INSC: variants seen among roughly 807,000 people sequenced by gnomAD.
INSC encodes INSC spindle orientation adaptor protein, also known as protein inscuteable homolog.
INSC carries 67 observed loss-of-function variants against 58.6 expected under a neutral mutation model. The observed-to-expected ratio is 1.14, with a 90% CI of 0.94 to 1.40. The LOEUF is 1.40. INSC is among the 40% of genes most tolerant of loss of function. INSC has a pLI of 0.00. For synonymous variants in INSC, 262 were observed against 276.1 expected (o/e 0.95, Z 0.51); for missense variants, 714 against 692.0 (o/e 1.03, Z -0.36).
chr11:15,138,163 G>A (rs1254222568), intron 1 of INSC, among the ~76,000 whole-genome samples: 1 of 17,750 alleles, frequency 5.6e-5, no homozygotes, highest in Non-Finnish European at 1.0e-4. Context: ...TTATGGGGGT[G>A]CAATTTGTGA....
At chr11:15,178,574 A>G (rs1564887272) in intron 5 of INSC, 127 bp downstream of exon 5, 5 of 1,183,684 alleles carry the variant, frequency 4.2e-6, no homozygotes, top group Non-Finnish European at 3.5e-6. Context: ...ATCTTACTCA[A>G]ACCACCAAAG....
At chr11:15,205,900 G>A (rs1381512396) in intron 7 of INSC, among the ~76,000 whole-genome samples, 5 of 152,122 alleles carry the variant, frequency 3.3e-5, no homozygotes, top group Admixed American at 1.3e-4. Flanking sequence ...GGCAAGGGAC[G>A]GACACAGACA....
chr11:15,140,826 C>G (rs985678623), intron 1 of INSC, among the ~76,000 whole-genome samples: 4 of 151,864 alleles, frequency 2.6e-5, no homozygotes, highest in Non-Finnish European at 4.4e-5. Flanking sequence ...TTCAGGTGAC[C>G]CTCTTGCCTC....
chr11:15,265,500 T>G, the INSC span, among the ~76,000 whole-genome samples: 1 of 152,000 alleles, frequency 6.6e-6, no homozygotes, highest in Non-Finnish European at 1.5e-5. Flanking sequence ...TTCACCTTTT[T>G]TTTTTCTAGA....
intron 5 of INSC, among the ~76,000 whole-genome samples, chr11:15,179,022 C>T (rs1849671545): frequency 6.6e-6 from 1 of 152,152 alleles, no homozygotes; most frequent in South Asian, 2.1e-4. Context: ...TAGTCTAGCC[C>T]CTGCCTCTAG....
chr11:15,208,082 G>C (rs1215238805), intron 7 of INSC, among the ~76,000 whole-genome samples: 3 of 152,190 alleles, frequency 2.0e-5, no homozygotes, highest in Admixed American at 2.0e-4. Context: ...AGCCAGGCTG[G>C]ATAGAGACAG....
upstream of INSC, among the ~76,000 whole-genome samples, chr11:15,112,922 G>A (rs76299820): frequency 0.016 from 2,382 of 152,120 alleles, 32 homozygotes; most frequent in Non-Finnish European, 0.016. Flanking sequence ...GTTCCCCAAT[G>A]TACATATGGG....
In INSC at chr11:15,235,673, G is replaced by A. The variant is rs951350510; in HGVS notation, c.1237+5G>A. The A allele has an allele frequency of 1.2e-6, 2 of 1,610,214 alleles. No individual in the cohort carries two copies. The highest frequency in any genetic ancestry group is 1.7e-6 in the Non-Finnish European group (2 of 1,176,598). The stretch of plus-strand genomic sequence containing the variant: ...CTGACATCATTCAGGAAAATGGTAT[G>A]TCTTTGCAGCATTGTACATGTTATG... On this transcript the variant is annotated splice_donor_5th_base_variant and intron_variant, in intron 10 of 12. Transcript: ENST00000379556.
At chr11:15,196,673 T>G (rs934214275) in intron 6 of INSC, among the ~76,000 whole-genome samples, 4 of 152,204 alleles carry the variant, frequency 2.6e-5, no homozygotes, top group African/African-American at 9.6e-5. Flanking sequence ...ATCATGGTTG[T>G]GATGACAGCT....
At chr11:15,168,795 G>T (rs73424568) in intron 2 of INSC, among the ~76,000 whole-genome samples, 1,712 of 152,300 alleles carry the variant, frequency 0.011, 34 homozygotes, top group African/African-American at 0.038. Flanking sequence ...GGGCTCAAGG[G>T]AGAGTTCTGG....
intron 2 of INSC, among the ~76,000 whole-genome samples, chr11:15,172,509 C>T (rs970008516): frequency 6.6e-6 from 1 of 152,216 alleles, no homozygotes; most frequent in Non-Finnish European, 1.5e-5. Context: ...CAGGCACACA[C>T]ACCAATTGCA....
chr11:15,218,103 A>G (rs1054087672), intron 7 of INSC, among the ~76,000 whole-genome samples: 2 of 152,224 alleles, frequency 1.3e-5, no homozygotes, highest in African/African-American at 4.8e-5. Flanking sequence ...AGCACTGTCC[A>G]TTATAGCAAA....
At chr11:15,188,181 A>C (rs575808471) in intron 5 of INSC, 3 of 985,460 alleles carry the variant, frequency 3.0e-6, no homozygotes, top group East Asian at 2.3e-4. Context: ...GGCATTTGCA[A>C]GGCCCCCACT....
intron 6 of INSC, among the ~76,000 whole-genome samples, chr11:15,191,227 C>A (rs933514292): frequency 1.3e-5 from 2 of 152,112 alleles, no homozygotes. Flanking sequence ...GATCCGCCTG[C>A]CTCGGCCTCC....
rs374999052 is a variant in INSC at position 15,160,419 on chromosome 11, G to A, written c.56+11189G>A. Among the ~76,000 whole-genome samples, 79 of 152,256 alleles carry A rather than the reference G, an allele frequency of 5.2e-4. 1 individual carries two copies. The South Asian group carries it at 0.016, about 31-fold the overall frequency. Reference sequence around the variant, plus strand: ...GGCAATGACCAGATCAGGAAACTGAGGCTCAGAGATGACAAGTGTCATGTG... The same window carrying A: ...GGCAATGACCAGATCAGGAAACTGAAGCTCAGAGATGACAAGTGTCATGTG... On this transcript the variant is annotated intron_variant, in intron 2 of 12. Transcript: ENST00000379556.
chr11:15,237,742 A>G (rs1852186293), intron 10 of INSC, among the ~76,000 whole-genome samples: 1 of 152,234 alleles, frequency 6.6e-6, no homozygotes, highest in East Asian at 1.9e-4. Context: ...ATGTAAATGG[A>G]CGAGGCGAGC....
At chr11:15,167,676 G>T (rs1236585894) in intron 2 of INSC, among the ~76,000 whole-genome samples, 1 of 151,766 alleles carries the variant, frequency 6.6e-6, no homozygotes, top group Non-Finnish European at 1.5e-5. Flanking sequence ...AGAGATGGGG[G>T]TATCGCTATG....
chr11:15,262,533 C>T, the INSC span, among the ~76,000 whole-genome samples: 1 of 151,910 alleles, frequency 6.6e-6, no homozygotes, highest in Non-Finnish European at 1.5e-5. Flanking sequence ...GTCATCTGAC[C>T]CAGAAGGCTG....
chr11:15,267,438 T>TAA, the INSC span, among the ~76,000 whole-genome samples: 1 of 152,034 alleles, frequency 6.6e-6, no homozygotes, highest in Non-Finnish European at 1.5e-5. Flanking sequence ...CCAGTTTTTG[T>TAA]TAAAATTTTA....
Sources: gnomAD v4.1 joint callset for allele counts (sites outside exome capture counted in the v4.1 genomes callset) on GRCh38, gnomAD v4.1.1 for gene constraint, MANE v1.5 for transcripts, NCBI Gene and HGNC (gene_info 2026-07-23, HGNC 2026-07-21) for gene names.